Variants in PURG observed in about 807,000 individuals in gnomAD.
PURG encodes purine-rich element-binding protein gamma.
In PURG, 3 loss-of-function variants were observed where a neutral mutation model predicts 24.3. That is an observed-to-expected ratio of 0.12 (90% CI 0.06 to 0.32). The LOEUF (loss-of-function observed/expected upper bound fraction) is 0.32, where lower values mean the gene tolerates loss of function less well. PURG is among the 10% of genes least tolerant of loss of function. The pLI is 1.00. For missense variants in PURG, 371 were observed against 439.1 expected (o/e 0.84, Z 1.39); for synonymous variants, 180 against 173.1 (o/e 1.04, Z -0.31).
At chr8:31,020,640 T>G (rs574428198) in intron 1 of PURG, among the ~76,000 whole-genome samples, 56 of 152,176 alleles carry the variant, frequency 3.7e-4, no homozygotes, top group Non-Finnish European at 7.9e-4. Context: ...AAGAAAATAA[T>G]TTTTTACAAA....
chr8:30,996,623 GGGC>G (rs765401101), exon 2 of PURG: 3 of 1,611,474 alleles, frequency 1.9e-6, no homozygotes, highest in Non-Finnish European at 2.5e-6. Context: ...TAGTATCATG[GGGC>G]TGTTCCTTAT....
chr8:31,000,752 G>A (rs1328391621), intron 1 of PURG, among the ~76,000 whole-genome samples: 2 of 152,180 alleles, frequency 1.3e-5, no homozygotes, highest in African/African-American at 2.4e-5. Context: ...CTATATAGAA[G>A]CATGTTAAAG....
chr8:31,017,675 T>A (rs1810902591), intron 1 of PURG, among the ~76,000 whole-genome samples: 1 of 152,072 alleles, frequency 6.6e-6, no homozygotes, highest in Non-Finnish European at 1.5e-5. Context: ...CAGAATCGAG[T>A]TTCATATGAA....
chr8:31,031,695 C>CA lies in PURG; in HGVS notation c.*43dup. 1 of 1,494,422 alleles carries CA rather than the reference C, an allele frequency of 6.7e-7. No individual in the cohort carries two copies. 92.6% of individuals were successfully genotyped at this position (1,494,422 alleles called of 1,614,324 possible). On this transcript the variant is annotated 3_prime_UTR_variant, in exon 2 of 2. Coordinates refer to ENST00000523392, the MANE Select transcript of PURG (RefSeq NM_001323311.2). Reference sequence around the variant, plus strand: ...AGGATAATGGATCAGTACTTTTAGCCAATTTGTGATTTTAAATTTTGCCTG... The same window carrying CA: ...AGGATAATGGATCAGTACTTTTAGCCAAATTTGTGATTTTAAATTTTGCCTG...
chr8:30,996,352 G>A (rs1016133178), exon 2 of PURG: 5 of 297,798 alleles, frequency 1.7e-5, no homozygotes, highest in Non-Finnish European at 3.1e-5. Context: ...GTTTGAAAAC[G>A]AAAGGCTTGA....
intron 1 of PURG, among the ~76,000 whole-genome samples, chr8:31,019,638 CTCT>C (rs1323127077): frequency 6.6e-6 from 1 of 150,760 alleles, no homozygotes; most frequent in Non-Finnish European, 1.5e-5. Flanking sequence ...CAGCCAATAT[CTCT>C]TTTTTCTTTT....
chr8:31,003,628 G>C (rs1810584471), intron 1 of PURG, among the ~76,000 whole-genome samples: 1 of 151,982 alleles, frequency 6.6e-6, no homozygotes, highest in East Asian at 1.9e-4. Flanking sequence ...TGGGCATGGT[G>C]GTGCCCACTT....
In PURG at chr8:31,018,365, T is replaced by C. The variant is rs2129816864; in HGVS notation, c.864+13554A>G. On this transcript the variant is annotated intron_variant, in intron 1 of 1. Coordinates refer to the PURG transcript ENST00000339382. ...GAATCTGAGCCATAACAATTCACCT[T>C]TTCTGATTTATTAATTCCCTTTATG... Among the ~76,000 whole-genome samples the C allele has an allele frequency of 1.3e-5, 2 of 152,330 alleles. 1 individual carries two copies. The highest frequency in any genetic ancestry group is 6.8e-3 in the Middle Eastern group (2 of 294).
chr8:31,024,247 T>G (rs1273009569), intron 1 of PURG, among the ~76,000 whole-genome samples: 1 of 152,174 alleles, frequency 6.6e-6, no homozygotes, highest in East Asian at 1.9e-4. Flanking sequence ...TAGTTGTTTT[T>G]AATGTAAACA....
At chr8:31,014,485 C>T (rs980700080) in intron 1 of PURG, among the ~76,000 whole-genome samples, 8 of 152,000 alleles carry the variant, frequency 5.3e-5, no homozygotes, top group East Asian at 1.9e-4. Context: ...ATTTATTTCT[C>T]GGGTTGAGTA....
chr8:31,005,456 A>T (rs925219289), intron 1 of PURG, among the ~76,000 whole-genome samples: 14 of 151,244 alleles, frequency 9.3e-5, no homozygotes, highest in African/African-American at 3.4e-4. Context: ...AAAAGAAAAG[A>T]AAAGAAAAGA....
At chr8:31,014,454 T>C (rs1810817337) in intron 1 of PURG, among the ~76,000 whole-genome samples, 1 of 152,250 alleles carries the variant, frequency 6.6e-6, no homozygotes, top group African/African-American at 2.4e-5. Flanking sequence ...GAAAAACTTT[T>C]ACAGAATAAG....
At chr8:31,010,405 G>C (rs1455951257) in intron 1 of PURG, among the ~76,000 whole-genome samples, 3 of 152,202 alleles carry the variant, frequency 2.0e-5, no homozygotes, top group Admixed American at 6.5e-5. Context: ...GCACAGACAT[G>C]AGCACCAATG....
At chr8:31,002,411 T>C (rs1810556070) in intron 1 of PURG, among the ~76,000 whole-genome samples, 1 of 152,238 alleles carries the variant, frequency 6.6e-6, no homozygotes, top group Non-Finnish European at 1.5e-5. Flanking sequence ...AACTCTTGAA[T>C]AACTGTATTA....
downstream of PURG, among the ~76,000 whole-genome samples, chr8:31,029,348 T>G (rs1313624444): frequency 6.6e-6 from 1 of 151,844 alleles, no homozygotes; most frequent in African/African-American, 2.4e-5. Context: ...ACATACAAAG[T>G]AGAAAATCTG....
intron 1 of PURG, among the ~76,000 whole-genome samples, chr8:30,997,285 A>G (rs1435068520): frequency 6.6e-6 from 1 of 151,858 alleles, no homozygotes; most frequent in African/African-American, 2.4e-5. Context: ...CCTAAGGAAA[A>G]TATTTAGCAT....
chr8:31,023,836 G>A (rs1167606802), intron 1 of PURG, among the ~76,000 whole-genome samples: 1 of 152,162 alleles, frequency 6.6e-6, no homozygotes, highest in Non-Finnish European at 1.5e-5. Flanking sequence ...ATCGAAGACA[G>A]TAGGGACCAC....
intron 1 of PURG, among the ~76,000 whole-genome samples, chr8:31,020,386 T>C (rs984113063): frequency 1.3e-5 from 2 of 152,216 alleles, no homozygotes; most frequent in African/African-American, 2.4e-5. Context: ...CAAGGTCTTT[T>C]AAGTCCTAAT....
intron 1 of PURG, among the ~76,000 whole-genome samples, chr8:30,998,388 CATATTCT>C (rs1810469373): frequency 6.6e-6 from 1 of 151,740 alleles, no homozygotes. Context: ...GGATTTTTGA[CATATTCT>C]ATACAGACGA....
Sources: allele counts gnomAD v4.1 joint callset (sites outside exome capture counted in the v4.1 genomes callset), GRCh38; gene constraint gnomAD v4.1.1; transcripts MANE v1.5; gene names NCBI Gene and HGNC (gene_info 2026-07-23, HGNC 2026-07-21).